Variants in TRMT9B observed in about 807,000 individuals in gnomAD.
TRMT9B encodes the protein probable tRNA methyltransferase 9B.
A neutral mutation model predicts 11.5 loss-of-function variants in TRMT9B; 16 were observed. The ratio of observed to expected loss-of-function variants is 1.39; its 90% confidence interval spans 0.94 to 2.11. The LOEUF (loss-of-function observed/expected upper bound fraction) is 2.11, where lower values mean the gene tolerates loss of function less well. Ranked by LOEUF, TRMT9B falls within the 30% of genes most tolerant of loss-of-function variation. TRMT9B has a pLI of 0.00. For missense variants in TRMT9B, 941 were observed against 553.8 expected, an observed-to-expected ratio of 1.70 and a Z score of -7.02; for synonymous variants, 274 against 192.4, an observed-to-expected ratio of 1.42 and a Z score of -3.51.
chr8:12,957,889 C>G (rs939504484), intron 1 of TRMT9B, among the ~76,000 whole-genome samples: 1 of 152,144 alleles, frequency 6.6e-6, no homozygotes, highest in Non-Finnish European at 1.5e-5. Flanking sequence ...CCATCCATCT[C>G]CAGAACGTTT....
chr8:13,012,353 G>T, intron 3 of TRMT9B: 1 of 846,490 alleles, frequency 1.2e-6, no homozygotes, highest in Non-Finnish European at 1.4e-6. Context: ...GAGGCAGGCG[G>T]ATCACCTGAG....
Position 13,026,662 on chromosome 8 carries a change from C to G in TRMT9B, c.*4618C>G, listed in dbSNP as rs546827609. 2 of 167,246 alleles carry G rather than the reference C, an allele frequency of 1.2e-5. No individual in the cohort carries two copies. The highest frequency in any genetic ancestry group is 4.1e-4 in the South Asian group (2 of 4,822). 10.4% of individuals were successfully genotyped at this position (167,246 alleles called of 1,614,324 possible). A position where few individuals can be genotyped will look rare whatever the true frequency, so the allele number is the denominator to read the frequency against. Reference sequence around the variant, plus strand: ...GTTCCCATTTTGCAGATGAGGAAAACTGAGGCAGAAAGAAATTAAATTGCT... The same window carrying G: ...GTTCCCATTTTGCAGATGAGGAAAAGTGAGGCAGAAAGAAATTAAATTGCT... On this transcript the variant is annotated 3_prime_UTR_variant, in exon 5 of 5. Transcript: ENST00000524591.
chr8:12,983,660 A>G (rs980727856), intron 1 of TRMT9B, among the ~76,000 whole-genome samples: 9 of 152,142 alleles, frequency 5.9e-5, no homozygotes. Context: ...ACAGAGCAAG[A>G]CGCCGTCTCA....
chr8:12,953,695 C>T (rs1158469366), intron 1 of TRMT9B, among the ~76,000 whole-genome samples: 2 of 152,116 alleles, frequency 1.3e-5, no homozygotes, highest in Non-Finnish European at 2.9e-5. Context: ...TGATGGCTGG[C>T]TGAGAATACA....
At chr8:12,952,160 G>A (rs1446122809) in intron 1 of TRMT9B, 1 of 454,508 alleles carries the variant, frequency 2.2e-6, no homozygotes, top group Non-Finnish European at 4.4e-6. Flanking sequence ...TACTCGCAAC[G>A]GGAGAGCTGC....
At chr8:12,999,786 T>G (rs1448336099) in intron 2 of TRMT9B, among the ~76,000 whole-genome samples, 3 of 152,202 alleles carry the variant, frequency 2.0e-5, no homozygotes, top group African/African-American at 7.2e-5. Flanking sequence ...AGGTTATATT[T>G]CTTTGAGAAG....
intron 1 of TRMT9B, chr8:12,970,270 A>G (rs1215592616): frequency 6.6e-6 from 1 of 152,264 alleles, no homozygotes; most frequent in Non-Finnish European, 1.5e-5. Context: ...TTCACTGTCC[A>G]TGAACTTTTG....
rs1240464817 is a variant in TRMT9B, at chr8:13,023,706, A to G, written c.*1662A>G. The stretch of plus-strand genomic sequence containing the variant: ...TGGATGAAAATCCAAATCTTGTTTT[A>G]TTTTTTCCACTAAAAGTGACTAAAA... On this transcript the variant is annotated 3_prime_UTR_variant, in exon 5 of 5. Transcript: ENST00000524591. The G allele has an allele frequency of 6.0e-6, 1 of 166,926 alleles. No individual in the cohort carries two copies. The highest frequency in any genetic ancestry group is 1.5e-5 in the Non-Finnish European group (1 of 68,078). 10.3% of individuals were successfully genotyped at this position (166,926 alleles called of 1,614,324 possible).
intron 1 of TRMT9B, among the ~76,000 whole-genome samples, chr8:12,965,900 C>T (rs1024018539): frequency 6.6e-6 from 1 of 151,514 alleles, no homozygotes; most frequent in Non-Finnish European, 1.5e-5. Context: ...GTAGTTCCAG[C>T]TACTCGGGAG....
intron 1 of TRMT9B, among the ~76,000 whole-genome samples, chr8:12,965,517 T>C (rs898486081): frequency 2.2e-4 from 33 of 152,188 alleles, no homozygotes; most frequent in African/African-American, 7.7e-4. Context: ...CAGTACAGGA[T>C]GTCACCAAAC....
intron 1 of TRMT9B, among the ~76,000 whole-genome samples, chr8:12,988,795 C>G (rs1350532977): frequency 6.6e-6 from 1 of 152,074 alleles, no homozygotes; most frequent in Non-Finnish European, 1.5e-5. Context: ...CATATCAATT[C>G]TATTATTTTT....
rs371025543 is a variant in TRMT9B, at chr8:13,021,743, C to G, written c.1064C>G (p.Thr355Ser). The G allele has an allele frequency of 1.0e-4, 162 of 1,613,988 alleles. 2 individuals are homozygous for G. The African/African-American group carries it at 1.7e-3, about 16-fold the overall frequency. ...GGAAATTTTCTGGATAGCACTAATACTGGTGTGAATTGTGTGGATGCAGGC... is the reference window on the plus strand; with the variant it reads ...GGAAATTTTCTGGATAGCACTAATAGTGGTGTGAATTGTGTGGATGCAGGC... ...GGGNFLDSTN[T>S]GVNCVDAGNI... is the part of the protein sequence containing the mutation. The change falls in exon 5 of 5, where the codon ACT (threonine) becomes AGT (serine). Residue 355 changes from threonine to serine, a missense_variant. Transcript: ENST00000524591.
At chr8:13,009,869 G>T (rs1276152634) in intron 3 of TRMT9B, among the ~76,000 whole-genome samples, 1 of 152,164 alleles carries the variant, frequency 6.6e-6, no homozygotes, top group Middle Eastern at 3.4e-3. Context: ...TATCTCACAC[G>T]TGTAATCCTA....
At chr8:12,968,059 AT>A (rs1423831895) in intron 1 of TRMT9B, among the ~76,000 whole-genome samples, 3 of 152,130 alleles carry the variant, frequency 2.0e-5, no homozygotes, top group African/African-American at 7.2e-5. Flanking sequence ...TAATTCTTGC[AT>A]TTTTAGTAAA....
chr8:12,949,468 A>G (rs1342180568), intron 1 of TRMT9B, among the ~76,000 whole-genome samples: 1 of 152,136 alleles, frequency 6.6e-6, no homozygotes, highest in Non-Finnish European at 1.5e-5. Context: ...CTGGTGTACA[A>G]ATTTTCTTTA....
intron 1 of TRMT9B, among the ~76,000 whole-genome samples, chr8:12,972,936 T>A (rs753000545): frequency 2.0e-5 from 3 of 152,204 alleles, no homozygotes; most frequent in Non-Finnish European, 4.4e-5. Flanking sequence ...TCGTCAGAAC[T>A]TTTTCATCTT....
intron 1 of TRMT9B, among the ~76,000 whole-genome samples, chr8:12,978,061 A>T (rs558542018): frequency 2.0e-5 from 3 of 152,162 alleles, no homozygotes; most frequent in African/African-American, 7.2e-5. Flanking sequence ...TGGAGTCTTA[A>T]TTAGGGAAAA....
chr8:12,987,349 G>C (rs1164719361), intron 1 of TRMT9B, among the ~76,000 whole-genome samples: 1 of 152,044 alleles, frequency 6.6e-6, no homozygotes, highest in Non-Finnish European at 1.5e-5. Flanking sequence ...ACTTATGATG[G>C]GGTTACATCC....
intron 1 of TRMT9B, among the ~76,000 whole-genome samples, chr8:12,966,437 T>G (rs895017881): frequency 2.0e-5 from 3 of 152,198 alleles, no homozygotes; most frequent in African/African-American, 4.8e-5. Flanking sequence ...GATGTGTTGT[T>G]TACAAGCTAG....
Sources: gnomAD v4.1 joint callset for allele counts (sites outside exome capture counted in the v4.1 genomes callset) on GRCh38, gnomAD v4.1.1 for gene constraint, MANE v1.5 for transcripts, NCBI Gene and HGNC (gene_info 2026-07-23, HGNC 2026-07-21) for gene names.